The following VRK2 variants were observed in gnomAD, a reference collection of about 807,000 sequenced individuals.
VRK2 encodes VRK serine/threonine kinase 2, also known as serine/threonine-protein kinase VRK2.
Under a neutral mutation model 57.6 loss-of-function variants are expected in VRK2, and 60 were observed. That is an observed-to-expected ratio of 1.04 (90% confidence interval 0.85 to 1.29). VRK2 has a LOEUF of 1.29. Among genes scored for constraint, VRK2 ranks in the 50% most tolerant of loss-of-function variants. The pLI is 0.00. For missense variants in VRK2, 705 were observed against 588.1 expected (o/e 1.20, Z -2.06); for synonymous variants, 231 against 199.2 (o/e 1.16, Z -1.35).
intron 1 of VRK2, among the ~76,000 whole-genome samples, chr2:57,966,631 T>C (rs962447196): frequency 6.6e-6 from 1 of 152,100 alleles, no homozygotes; most frequent in African/African-American, 2.4e-5. Context: ...ATTAAATATA[T>C]GTACAAACGC....
chr2:58,115,984 T>C (rs944330844), intron 7 of VRK2, among the ~76,000 whole-genome samples: 10 of 152,198 alleles, frequency 6.6e-5, no homozygotes, highest in African/African-American at 1.9e-4. Context: ...ACGGGGTGGA[T>C]AGGCAAAACA....
In VRK2 at chr2:58,146,486, G is replaced by A. The variant is rs369684423; in HGVS notation, c.1182+12G>A. On this transcript the variant is annotated intron_variant, in intron 12 of 12. Transcript: ENST00000340157. Reference sequence around the variant, plus strand: ...ATGAAGCAGCTCAGGTGAGAGGGTTGTTTGTGTGTGTTTTTTCTAACTTAA... The same window carrying A: ...ATGAAGCAGCTCAGGTGAGAGGGTTATTTGTGTGTGTTTTTTCTAACTTAA... 5 of 1,598,186 alleles carry A rather than the reference G, an allele frequency of 3.1e-6. No homozygotes were observed. The highest frequency in any genetic ancestry group is 8.5e-7 in the Non-Finnish European group (1 of 1,172,908).
At chr2:57,961,393 G>A (rs938648449) in intron 1 of VRK2, among the ~76,000 whole-genome samples, 4 of 152,110 alleles carry the variant, frequency 2.6e-5, no homozygotes, top group Admixed American at 6.5e-5. Context: ...TGAAAAAAGC[G>A]AGAACAGGAT....
intron 2 of VRK2, among the ~76,000 whole-genome samples, chr2:58,073,563 C>T (rs1195041844): frequency 6.6e-6 from 1 of 150,990 alleles, no homozygotes; most frequent in East Asian, 1.9e-4. Context: ...TAATATCCCT[C>T]TTTATTCCTG....
At chr2:58,043,103 C>T (rs561479219), upstream of VRK2, among the ~76,000 whole-genome samples, 39 of 152,242 alleles carry the variant, frequency 2.6e-4, no homozygotes, top group South Asian at 3.3e-3. Flanking sequence ...AAATCATTGG[C>T]ACTTATGAAA....
At chr2:58,153,896 C>G (rs1683405420) in intron 12 of VRK2, among the ~76,000 whole-genome samples, 1 of 152,006 alleles carries the variant, frequency 6.6e-6, no homozygotes, top group Non-Finnish European at 1.5e-5. Flanking sequence ...ATATTTATTT[C>G]AAGAGTAGGC....
In VRK2 at chr2:57,971,918, T is replaced by A. The variant is rs1442969643; in HGVS notation, c.-438-53747T>A. Among the ~76,000 whole-genome samples, 5 of 151,958 alleles carry A rather than the reference T, an allele frequency of 3.3e-5. No homozygotes were observed. The East Asian group carries it at 9.6e-4, about 29-fold the overall frequency. On this transcript the variant is annotated intron_variant, in intron 1 of 15. Transcript: ENST00000417641. ...TAAAAATTATTATTATGTATTCATGTATTTAAACATATTTCATGTATCCAA... is the reference window on the plus strand; with the variant it reads ...TAAAAATTATTATTATGTATTCATGAATTTAAACATATTTCATGTATCCAA...
intron 1 of VRK2, 22 bp downstream of exon 1, chr2:58,046,890 C>G (rs907726497): frequency 1.3e-5 from 13 of 985,358 alleles, no homozygotes; most frequent in Non-Finnish European, 1.6e-5. Context: ...GCTCTGGGGT[C>G]TTGGGTGGCG....
chr2:58,097,225 A>C (rs573114289), intron 7 of VRK2, among the ~76,000 whole-genome samples: 99 of 151,864 alleles, frequency 6.5e-4, no homozygotes, highest in Non-Finnish European at 1.2e-3. Context: ...CTTTTTGTCC[A>C]CCTAAGCTGT....
In VRK2 at chr2:58,089,673, G is replaced by A; in HGVS notation, c.493G>A (p.Gly165Ser). The change falls in exon 7 of 13, where the codon GGT (glycine) becomes AGT (serine). Residue 165 changes from glycine (G) to serine (S), a missense_variant. Transcript: ENST00000340157. Reference protein sequence around the residue: ...EYIHENEYVHGDIKAANLLLG... With the variant: ...EYIHENEYVHSDIKAANLLLG... Reference sequence around the variant, plus strand: ...TATACATGAAAATGAATATGTTCATGGTGATATAAAAGCAGCAAATCTACT... The same window carrying A: ...TATACATGAAAATGAATATGTTCATAGTGATATAAAAGCAGCAAATCTACT... The A allele has an allele frequency of 6.2e-7, 1 of 1,608,140 alleles. No individual in the cohort carries two copies. Among genetic ancestry groups the A allele is most frequent in the African/African-American group, 1.3e-5 (1 of 74,900 alleles).
intron 4 of VRK2, among the ~76,000 whole-genome samples, chr2:58,085,325 G>A (rs1325879715): frequency 6.6e-6 from 1 of 151,822 alleles, no homozygotes; most frequent in African/African-American, 2.4e-5. Flanking sequence ...GTAGATATAT[G>A]TATAAAAAAA....
chr2:58,035,715 T>C (rs935154236), intron 3 of VRK2, among the ~76,000 whole-genome samples: 2 of 152,010 alleles, frequency 1.3e-5, no homozygotes, highest in African/African-American at 4.8e-5. Flanking sequence ...TTCTATATAA[T>C]TTGGAAGGAG....
chr2:58,084,118 G>C lies in VRK2; in HGVS notation c.166G>C (p.Ala56Pro), dbSNP rs778852734. The change falls in exon 3 of 13, where the codon GCA becomes CCA. Residue 56 changes from alanine (A) to proline (P), a missense_variant. Coordinates refer to ENST00000340157, the MANE Select transcript of VRK2 (RefSeq NM_006296.7). ...CCCCACAAATAAACCAGAGAAAGAT[G>C]CAAGACATGTAGTAAAAGTGGTAAG... is the stretch of plus-strand genomic sequence containing the variant. Reference protein sequence around the residue: ...AFPTNKPEKDARHVVKVEYQE... With the variant: ...AFPTNKPEKDPRHVVKVEYQE... 3.2e-5 allele frequency: 52 copies of C among 1,606,374 alleles called. No homozygotes were observed. Among genetic ancestry groups the C allele is most frequent in the Non-Finnish European group, 4.3e-5 (50 of 1,175,492 alleles).
At chr2:58,025,521 T>C (rs1673897913) in intron 1 of VRK2, 2 of 152,228 alleles carry the variant, frequency 1.3e-5, no homozygotes, top group Admixed American at 1.3e-4. Context: ...TTAATCATTT[T>C]AAGTTAAATG....
At chr2:57,973,040 T>C (rs1672143569) in intron 1 of VRK2, among the ~76,000 whole-genome samples, 1 of 151,920 alleles carries the variant, frequency 6.6e-6, no homozygotes, top group Non-Finnish European at 1.5e-5. Flanking sequence ...AGATTCCTAG[T>C]AATTAGTTTT....
At chr2:58,093,360 C>G (rs920226104) in intron 7 of VRK2, among the ~76,000 whole-genome samples, 11 of 152,246 alleles carry the variant, frequency 7.2e-5, no homozygotes, top group Non-Finnish European at 1.6e-4. Context: ...GCCATTCTAA[C>G]TGGTGTGAGA....
In VRK2 at chr2:57,944,653, G is replaced by A. The variant is rs372531627; in HGVS notation, c.-439+36814G>A. On this transcript the variant is annotated intron_variant, in intron 1 of 15. Coordinates refer to the VRK2 transcript ENST00000417641. Reference sequence around the variant, plus strand: ...CTGGAGGCTGAGGCAGGAGAATGGCGTGAACCCGGGAGGCGGAGTTTGCAG... The same window carrying A: ...CTGGAGGCTGAGGCAGGAGAATGGCATGAACCCGGGAGGCGGAGTTTGCAG... Among the ~76,000 whole-genome samples, 39 of 152,006 alleles carry A rather than the reference G, an allele frequency of 2.6e-4. No individual in the cohort carries two copies. In the East Asian group the frequency reaches 4.5e-3, roughly 17 times the overall value.
chr2:57,949,756 A>T (rs1481127019), intron 1 of VRK2, among the ~76,000 whole-genome samples: 1 of 152,252 alleles, frequency 6.6e-6, no homozygotes, highest in Non-Finnish European at 1.5e-5. Flanking sequence ...GCATTTCAAA[A>T]GCCCAGATAG....
intron 7 of VRK2, among the ~76,000 whole-genome samples, chr2:58,122,619 C>T (rs1558664162): frequency 6.6e-6 from 1 of 152,166 alleles, no homozygotes; most frequent in Non-Finnish European, 1.5e-5. Flanking sequence ...AGAAGCAGCA[C>T]AAAATCCACA....
Sources: allele counts gnomAD v4.1 joint callset (sites outside exome capture counted in the v4.1 genomes callset), GRCh38; gene constraint gnomAD v4.1.1; transcripts MANE v1.5; gene names NCBI Gene and HGNC (gene_info 2026-07-23, HGNC 2026-07-21).